GAS7: variants seen among roughly 807,000 people sequenced by gnomAD.
GAS7 encodes the protein growth arrest specific 7.
A neutral mutation model predicts 71.1 loss-of-function variants in GAS7; 28 were observed. The observed-to-expected ratio is 0.39, with a 90% CI of 0.29 to 0.54. The LOEUF (loss-of-function observed/expected upper bound fraction) is 0.54, where lower values mean the gene tolerates loss of function less well. Among genes scored for constraint, GAS7 ranks in the 20% least tolerant of loss-of-function variants. The pLI is 0.62. For missense variants in GAS7, 436 were observed against 627.8 expected (o/e 0.69, Z 3.27); for synonymous variants, 258 against 245.8 (o/e 1.05, Z -0.46).
intron 3 of GAS7, among the ~76,000 whole-genome samples, chr17:9,975,488 T>A (rs1353386362): frequency 7.0e-6 from 1 of 143,572 alleles, no homozygotes; most frequent in Non-Finnish European, 1.5e-5. Context: ...TCTTTTTCCT[T>A]CCTCCCTTCC....
chr17:9,911,459 G>A lies in GAS7; in HGVS notation c.*5769C>T, dbSNP rs1056284502. On this transcript the variant is annotated 3_prime_UTR_variant, in exon 14 of 14. Coordinates refer to ENST00000432992, the MANE Select transcript of GAS7 (RefSeq NM_201433.2). The surrounding 1 kb of genome is among the most constrained non-coding windows in gnomAD (Gnocchi z 4.0). ...CAAGGAACAGTCCTGAACACCACAC[G>A]CAATCTCCAAAGGCCATCGCCCCAA... The A allele has an allele frequency of 2.6e-5, 6 of 233,008 alleles. No individual in the cohort carries two copies. Among genetic ancestry groups the A allele is most frequent in the African/African-American group, 1.1e-4 (5 of 45,270 alleles). 14.4% of individuals were successfully genotyped at this position (233,008 alleles called of 1,614,324 possible).
chr17:9,976,424 G>C (rs1258483395), intron 3 of GAS7, among the ~76,000 whole-genome samples: 1 of 152,234 alleles, frequency 6.6e-6, no homozygotes, highest in Non-Finnish European at 1.5e-5. Flanking sequence ...CAAGAAGCGA[G>C]GGTCTTCCTT....
chr17:9,949,229 G>C (rs73974346), intron 5 of GAS7, among the ~76,000 whole-genome samples: 2,171 of 151,170 alleles, frequency 0.014, 56 homozygotes, highest in African/African-American at 0.051. Context: ...TGCGTCCAAG[G>C]GGCAGATCCT....
chr17:10,094,153 G>A (rs2073617529), intron 1 of GAS7, among the ~76,000 whole-genome samples: 1 of 152,190 alleles, frequency 6.6e-6, no homozygotes, highest in African/African-American at 2.4e-5. Context: ...GCTAACCTAA[G>A]GCAAAGACCC....
chr17:10,172,371 T>C (rs1022493898), intron 1 of GAS7, among the ~76,000 whole-genome samples: 14 of 152,158 alleles, frequency 9.2e-5, no homozygotes, highest in Admixed American at 6.5e-4. Flanking sequence ...CAGCCAATCA[T>C]CTTGTTCACC....
chr17:10,147,861 A>C (rs936043972), intron 1 of GAS7, among the ~76,000 whole-genome samples: 1 of 152,218 alleles, frequency 6.6e-6, no homozygotes, highest in Non-Finnish European at 1.5e-5. Context: ...CCAAGAGCTC[A>C]TAATAAAAAG....
At chr17:10,019,990 G>A (rs1597704505) in intron 1 of GAS7, 93 bp from the exon 2 acceptor site, 2 of 1,232,134 alleles carry the variant, frequency 1.6e-6, no homozygotes, top group East Asian at 2.3e-5. Flanking sequence ...TCACCCTACA[G>A]TAGCGTGACA....
intron 1 of GAS7, 113 bp downstream of exon 1, chr17:10,198,095 C>G: frequency 9.9e-7 from 1 of 1,013,316 alleles, no homozygotes; most frequent in East Asian, 2.7e-5. Flanking sequence ...GGGCTGCCCC[C>G]CGGGGCGCCC....
rs1693106516 is a variant in GAS7 at position 9,926,978 on chromosome 17, C to A, written c.886-209G>T. ...GGCAGGTCACCTTAGCTCAGGAGGC[C>A]CCCACACACGTCTACAGGATAAGTG... On this transcript the variant is annotated intron_variant, in intron 9 of 13. Coordinates refer to ENST00000432992, the MANE Select transcript of GAS7 (RefSeq NM_201433.2). This position sits in a 1 kb window ranked among gnomAD's most constrained non-coding sequence, Gnocchi z 5.0. The A allele has an allele frequency of 8.8e-6, 5 of 565,838 alleles. No individual in the cohort carries two copies. Among genetic ancestry groups the A allele is most frequent in the Non-Finnish European group, 1.6e-5 (5 of 314,608 alleles). The allele number at this position is 565,838 out of a possible 1,614,324, so 35.1% of individuals were successfully genotyped here. A position where few individuals can be genotyped will look rare whatever the true frequency, so the allele number is the denominator to read the frequency against.
intron 1 of GAS7, among the ~76,000 whole-genome samples, chr17:10,073,477 G>A (rs901317492): frequency 2.0e-5 from 3 of 151,434 alleles, no homozygotes; most frequent in African/African-American, 7.3e-5. Flanking sequence ...GAGAGCAGGT[G>A]ACAATCTACA....
intron 1 of GAS7, among the ~76,000 whole-genome samples, chr17:10,096,206 T>C (rs2073639537): frequency 6.6e-6 from 1 of 152,132 alleles, no homozygotes; most frequent in African/African-American, 2.4e-5. Context: ...CCCCAACCAG[T>C]CTCTGCCACA....
At chr17:9,973,729 C>T (rs1254719271) in intron 3 of GAS7, among the ~76,000 whole-genome samples, 2 of 152,148 alleles carry the variant, frequency 1.3e-5, no homozygotes, top group Admixed American at 6.5e-5. Flanking sequence ...GTTTGATGGG[C>T]AAATTCATTC....
chr17:10,197,743 A>G (rs552033631), intron 1 of GAS7, among the ~76,000 whole-genome samples: 32 of 152,274 alleles, frequency 2.1e-4, no homozygotes, highest in African/African-American at 7.2e-4. Context: ...GCCTGACCCA[A>G]GGCAGCACGA....
At chr17:10,073,419 A>G (rs1441976859) in intron 1 of GAS7, among the ~76,000 whole-genome samples, 2 of 152,170 alleles carry the variant, frequency 1.3e-5, no homozygotes, top group Non-Finnish European at 2.9e-5. Context: ...AGAACACAGG[A>G]CTTATTCTCC....
intron 1 of GAS7, among the ~76,000 whole-genome samples, chr17:10,186,301 T>C (rs954545823): frequency 3.3e-5 from 5 of 151,914 alleles, no homozygotes; most frequent in African/African-American, 1.2e-4. Context: ...TGCACACCCA[T>C]TCATGTTGGA....
intron 1 of GAS7, among the ~76,000 whole-genome samples, chr17:10,145,923 T>G (rs1407332517): frequency 1.3e-5 from 2 of 152,298 alleles, no homozygotes; most frequent in Middle Eastern, 6.8e-3. Flanking sequence ...CTTGCCCCCG[T>G]AGTCCCAAAG....
At chr17:10,169,541 C>T (rs1484492317) in intron 1 of GAS7, among the ~76,000 whole-genome samples, 1 of 152,172 alleles carries the variant, frequency 6.6e-6, no homozygotes, top group Admixed American at 6.5e-5. Flanking sequence ...TTGAGAGCTG[C>T]AGATAAGGTC....
chr17:10,121,750 C>A (rs2073905963), intron 1 of GAS7, among the ~76,000 whole-genome samples: 2 of 152,110 alleles, frequency 1.3e-5, no homozygotes, highest in South Asian at 4.1e-4. Flanking sequence ...GAAGATGCAA[C>A]CTCAGACCAC....
At chr17:10,166,697 A>C (rs1451288407) in intron 1 of GAS7, among the ~76,000 whole-genome samples, 1 of 152,234 alleles carries the variant, frequency 6.6e-6, no homozygotes, top group African/African-American at 2.4e-5. Context: ...ACTATGAACT[A>C]ATTTTTTAAG....
Sources: gnomAD v4.1 joint callset for allele counts (sites outside exome capture counted in the v4.1 genomes callset) on GRCh38, gnomAD v4.1.1 for gene constraint, Gnocchi (gnomAD v3.1) non-coding constraint, MANE v1.5 for transcripts, NCBI Gene and HGNC (gene_info 2026-07-23, HGNC 2026-07-21) for gene names.